The following TP53I13 variants were observed in gnomAD, a reference collection of about 807,000 sequenced individuals.
TP53I13 encodes tumor protein p53-inducible protein 13.
Under a neutral mutation model 39.1 loss-of-function variants are expected in TP53I13, and 27 were observed. The ratio of observed to expected loss-of-function variants is 0.69; its 90% CI spans 0.51 to 0.95. The LOEUF (loss-of-function observed/expected upper bound fraction) is 0.95. TP53I13 is among the 40% of genes least tolerant of loss of function. The probability of loss-of-function intolerance (pLI) is 0.00; values close to 1 mark genes in which losing one functional copy is unlikely to be tolerated. For missense variants in TP53I13, 544 were observed against 520.4 expected (o/e 1.05, Z -0.44); for synonymous variants, 230 against 224.6 (o/e 1.02, Z -0.22).
Position 29,572,161 on chromosome 17 carries a change from C to A in TP53I13, c.533C>A (p.Ala178Asp), listed in dbSNP as rs762925909. Reference protein sequence around the residue: ...GCVQALALAFALRSWRPPGTE... With the variant: ...GCVQALALAFDLRSWRPPGTE... The stretch of plus-strand genomic sequence containing the variant: ...CCTTAGGCCCTGGCTCTGGCCTTTG[C>A]TCTGCGGAGCTGGCGGCCCCCTGGC... The change falls in exon 6 of 7, where the codon GCT becomes GAT. Residue 178 changes from alanine (A) to aspartate (D), a missense_variant. Ala to Asp is a moderately radical substitution (Grantham distance 126, BLOSUM62 -2). Transcript: ENST00000301057. 63 of 1,607,850 alleles carry A rather than the reference C, an allele frequency of 3.9e-5. No homozygotes were observed. Among genetic ancestry groups the A allele is most frequent in the Non-Finnish European group, 5.2e-5 (61 of 1,176,676 alleles).
chr17:29,575,482 G>A (rs1172972190), downstream of TP53I13: 2 of 1,595,480 alleles, frequency 1.3e-6, no homozygotes, highest in South Asian at 1.1e-5. This position sits in a 1 kb window ranked among gnomAD's most constrained non-coding sequence, Gnocchi z 5.5. Flanking sequence ...TGAGGCCCAG[G>A]TCCAGAAAAC....
chr17:29,566,732 G>C (rs1200971852), upstream of TP53I13: 1 of 1,565,000 alleles, frequency 6.4e-7, no homozygotes, highest in Non-Finnish European at 8.6e-7. Flanking sequence ...CACTGGGCCA[G>C]GGCCGACGGC....
rs201033719 is a variant in TP53I13, at chr17:29,568,809, G to A, written c.51G>A (p.Ala17=). 3.1e-6 allele frequency: 5 copies of A among 1,598,714 alleles called. No homozygotes were observed. The East Asian group carries it at 1.1e-4, about 36-fold the overall frequency. Residue 17 remains alanine, a synonymous_variant, in exon 1 of 7, where the codon GCG becomes GCA. Coordinates refer to ENST00000301057, the MANE Select transcript of TP53I13 (RefSeq NM_138349.4). The surrounding 1 kb of genome is among the most constrained non-coding windows in gnomAD (Gnocchi z 4.5). ...AACTGCTTCTCCTGGCAGCCCTCGC[G>A]AGGCTCCTGGGTCCCAGCGAGGTAA... ...SPQLLLLAAL[A]RLLGPSEVMA...
downstream of TP53I13, chr17:29,577,630 A>G (rs754450338): frequency 9.7e-6 from 15 of 1,554,102 alleles, no homozygotes; most frequent in South Asian, 3.3e-5. Flanking sequence ...CAGGCCCCCA[A>G]TCCAGCCCCC....
At chr17:29,566,399 T>C, upstream of TP53I13, 1 of 1,611,702 alleles carries the variant, frequency 6.2e-7, no homozygotes, top group African/African-American at 1.3e-5. Context: ...CGATGGAAGA[T>C]GACCGGGTAG....
At chr17:29,572,097 C>G in intron 5 of TP53I13, 40 bp downstream of exon 5, 1 of 1,611,560 alleles carries the variant, frequency 6.2e-7, no homozygotes. Context: ...CCCTCGGGTT[C>G]TCTGAGAGGG....
rs1191929275 is a variant in TP53I13 at position 29,568,753 on chromosome 17, C to A, written c.-6C>A. ...GGGCGGCGGGCCGGGCCCGGGGCCG[C>A]TTGGAATGGCGCCTCCTCCGCCTTC... On this transcript the variant is annotated 5_prime_UTR_variant, in exon 1 of 7. Coordinates refer to ENST00000301057, the MANE Select transcript of TP53I13 (RefSeq NM_138349.4). This position sits in a 1 kb window ranked among gnomAD's most constrained non-coding sequence, Gnocchi z 4.5. 6.4e-7 allele frequency: 1 copy of A among 1,573,046 alleles called. No individual in the cohort carries two copies. The highest frequency in any genetic ancestry group is 8.6e-7 in the Non-Finnish European group (1 of 1,168,828).
Position 29,568,742 on chromosome 17 carries a change from G to A in TP53I13, c.-17G>A, listed in dbSNP as rs746849431. On this transcript the variant is annotated 5_prime_UTR_variant, in exon 1 of 7. Coordinates refer to ENST00000301057, the MANE Select transcript of TP53I13 (RefSeq NM_138349.4). This position sits in a 1 kb window ranked among gnomAD's most constrained non-coding sequence, Gnocchi z 4.5. Reference sequence around the variant, plus strand: ...GCGGAGCGGCTGGGCGGCGGGCCGGGCCCGGGGCCGCTTGGAATGGCGCCT... The same window carrying A: ...GCGGAGCGGCTGGGCGGCGGGCCGGACCCGGGGCCGCTTGGAATGGCGCCT... 10 of 1,554,516 alleles carry A rather than the reference G, an allele frequency of 6.4e-6. No homozygotes were observed. Among genetic ancestry groups the A allele is most frequent in the African/African-American group, 2.8e-5 (2 of 71,248 alleles).
chr17:29,575,566 G>C, downstream of TP53I13: 1 of 1,569,314 alleles, frequency 6.4e-7, no homozygotes, highest in Non-Finnish European at 8.7e-7. This position sits in a 1 kb window ranked among gnomAD's most constrained non-coding sequence, Gnocchi z 5.5. Context: ...ACACACTGGG[G>C]GCCCTCTCAA....
upstream of TP53I13, among the ~76,000 whole-genome samples, chr17:29,567,699 G>A (rs149467123): frequency 3.3e-3 from 505 of 152,272 alleles, 1 homozygote; most frequent in African/African-American, 0.012. The surrounding 1 kb of genome is among the most constrained non-coding windows in gnomAD (Gnocchi z 6.6). Context: ...CAGCCCGGGA[G>A]TGGCTTCCCC....
intron 3 of TP53I13, chr17:29,569,715 C>G (rs2032853701): frequency 3.9e-6 from 1 of 256,892 alleles, no homozygotes; most frequent in South Asian, 6.2e-5. Context: ...CTTTGTGGGC[C>G]CCAGCTTTCT....
intron 5 of TP53I13, 38 bp downstream of exon 5, chr17:29,572,095 TTC>T (rs1187545340): frequency 6.2e-7 from 1 of 1,611,638 alleles, no homozygotes; most frequent in East Asian, 2.2e-5. Flanking sequence ...GGCCCTCGGG[TTC>T]TCTGAGAGGG....
intron 4 of TP53I13, 36 bp from the exon 5 acceptor site, chr17:29,571,821 C>A (rs1017922860): frequency 6.2e-7 from 1 of 1,612,730 alleles, no homozygotes; most frequent in Admixed American, 1.7e-5. Flanking sequence ...TTGTCCCCAC[C>A]TTCCTCGTAG....
At chr17:29,572,115 G>A (rs780298645) in intron 5 of TP53I13, 27 bp from the exon 6 acceptor site, 3 of 1,610,218 alleles carry the variant, frequency 1.9e-6, no homozygotes, top group Admixed American at 1.7e-5. Flanking sequence ...GGGGCAGCAG[G>A]GTGATTGCTC....
chr17:29,567,115 G>A (rs933458846), upstream of TP53I13: 3 of 563,922 alleles, frequency 5.3e-6, no homozygotes, highest in Non-Finnish European at 7.1e-6. This position sits in a 1 kb window ranked among gnomAD's most constrained non-coding sequence, Gnocchi z 6.6. Context: ...GCCGGGCAGA[G>A]GCAGCCAGTT....
rs371239792 is a variant in TP53I13, at chr17:29,568,827, C to A, written c.69C>A (p.Ser23Arg). 1 of 1,599,822 alleles carries A rather than the reference C, an allele frequency of 6.3e-7. No homozygotes were observed. The highest frequency in any genetic ancestry group is 8.5e-7 in the Non-Finnish European group (1 of 1,179,562). The change falls in exon 1 of 7, where the codon AGC becomes AGA. Residue 23 changes from serine (S) to arginine (R), a missense_variant. Transcript: ENST00000301057. The surrounding 1 kb of genome is among the most constrained non-coding windows in gnomAD (Gnocchi z 4.5). ...CCCTCGCGAGGCTCCTGGGTCCCAG[C>A]GAGGTAAGGTGACCCGCTCCTGGGA... ...LAALARLLGP[S>R]EVMAGPAEEA...
the TP53I13 span, chr17:29,578,767 G>C: frequency 1.9e-6 from 3 of 1,613,942 alleles, no homozygotes; most frequent in Admixed American, 1.7e-5. Context: ...TGGCCAATTC[G>C]GATAAGTCAA....
chr17:29,572,041 G>T lies in TP53I13; in HGVS notation c.497G>T (p.Arg166Leu). 6.2e-7 allele frequency: 1 copy of T among 1,613,120 alleles called. No homozygotes were observed. Among genetic ancestry groups the T allele is most frequent in the African/African-American group, 1.3e-5 (1 of 75,058 alleles). Residue 166 changes from arginine (R) to leucine (L), a missense_variant, in exon 5 of 7, where the codon CGA (arginine) becomes CTA (leucine). Arg to Leu is a moderately radical substitution (Grantham distance 102). Coordinates refer to ENST00000301057, the MANE Select transcript of TP53I13 (RefSeq NM_138349.4). ...EPTPGRGRLC[R>L]RGCVQALALA... ...ACTCCCGGTAGAGGGAGGCTGTGCC[G>T]AAGAGGGTGTGTGCAGGTGAGAGAC...
At chr17:29,577,784 G>T, downstream of TP53I13, 2 of 1,258,006 alleles carry the variant, frequency 1.6e-6, no homozygotes, top group Non-Finnish European at 2.3e-6. Flanking sequence ...CGGTGGCCAG[G>T]CCCCCAAGGT....
Sources: gnomAD v4.1 joint callset for allele counts (sites outside exome capture counted in the v4.1 genomes callset) on GRCh38, gnomAD v4.1.1 for gene constraint, Gnocchi (gnomAD v3.1) non-coding constraint, MANE v1.5 for transcripts, NCBI Gene and HGNC (gene_info 2026-07-23, HGNC 2026-07-21) for gene names.